KCNH7: variants seen among roughly 807,000 people sequenced by gnomAD.
KCNH7 encodes the protein voltage-gated inwardly rectifying potassium channel KCNH7.
A neutral mutation model predicts 120.8 loss-of-function variants in KCNH7; 49 were observed. The observed-to-expected ratio is 0.41, with a 90% CI of 0.32 to 0.51. The LOEUF is 0.51. Among genes scored for constraint, KCNH7 ranks in the 20% least tolerant of loss-of-function variants. KCNH7 has a pLI of 0.38. For synonymous variants in KCNH7, 547 were observed against 516.1 expected, an observed-to-expected ratio of 1.06 and a Z score of -0.81; for missense variants, 1,097 against 1,446.6, an observed-to-expected ratio of 0.76 and a Z score of 3.92.
intron 2 of KCNH7, among the ~76,000 whole-genome samples, chr2:162,781,682 T>C (rs1683497755): frequency 6.6e-6 from 1 of 152,150 alleles, no homozygotes; most frequent in African/African-American, 2.4e-5. Context: ...TGTCTACATA[T>C]TGACATGTAA....
At chr2:162,470,806 G>T (rs1397132884) in intron 6 of KCNH7, among the ~76,000 whole-genome samples, 4 of 152,338 alleles carry the variant, frequency 2.6e-5, no homozygotes, top group South Asian at 4.1e-4. Flanking sequence ...AATAGAGGAG[G>T]GGGAAAGGTG....
At chr2:162,610,330 T>A (rs1452257813) in intron 2 of KCNH7, among the ~76,000 whole-genome samples, 7 of 152,156 alleles carry the variant, frequency 4.6e-5, no homozygotes, top group Non-Finnish European at 1.0e-4. Context: ...AATGAGGATT[T>A]TTTTTTCTTC....
At chr2:162,838,144 C>T (rs990010784) in intron 1 of KCNH7, among the ~76,000 whole-genome samples, 2 of 152,260 alleles carry the variant, frequency 1.3e-5, no homozygotes, top group East Asian at 3.9e-4. Context: ...CCATGTTATC[C>T]TAGCACGTTC....
chr2:162,582,479 G>T (rs1693904733), intron 2 of KCNH7, among the ~76,000 whole-genome samples: 1 of 152,068 alleles, frequency 6.6e-6, no homozygotes, highest in African/African-American at 2.4e-5. Context: ...ACTCGGTTGA[G>T]ACTTTCTGCC....
At chr2:162,505,301 T>G (rs1415343921) in intron 5 of KCNH7, among the ~76,000 whole-genome samples, 1 of 151,958 alleles carries the variant, frequency 6.6e-6, no homozygotes, top group East Asian at 1.9e-4. Flanking sequence ...ATATGTGGGA[T>G]TTTTAGATCC....
intron 6 of KCNH7, among the ~76,000 whole-genome samples, chr2:162,501,586 T>C (rs971894699): frequency 2.4e-4 from 37 of 152,188 alleles, no homozygotes; most frequent in Middle Eastern, 3.4e-3. Context: ...TCCACAGTTA[T>C]GGCGGCTGTG....
intron 8 of KCNH7, 28 bp from the exon 9 acceptor site, chr2:162,423,563 G>A (rs371047242): frequency 1.5e-4 from 243 of 1,597,414 alleles, no homozygotes; most frequent in African/African-American, 1.3e-3. Context: ...CAAAGTTATC[G>A]GGGAAACTGC....
intron 2 of KCNH7, among the ~76,000 whole-genome samples, chr2:162,700,764 C>A (rs1449719298): frequency 6.6e-6 from 1 of 152,100 alleles, no homozygotes; most frequent in African/African-American, 2.4e-5. Flanking sequence ...GAATCTGTTT[C>A]TTTTTTGAGT....
rs777764182 is a variant in KCNH7, at chr2:162,423,474, T to A, written c.2016A>T (p.Gly672=). The change falls in exon 9 of 16, where the codon GGA becomes GGT. Residue 672 remains glycine, a synonymous_variant. Coordinates refer to ENST00000332142, the MANE Select transcript of KCNH7 (RefSeq NM_033272.4). ...GCATCTGCATGTGGTACCTGGCAGT[T>A]CCCGAGTATAGTCTTTGGATAATTG... ...VSAIIQRLYS[G]TARYHMQMLR... is the part of the protein sequence containing the mutation. 6.2e-7 allele frequency: 1 copy of A among 1,614,084 alleles called. No individual in the cohort carries two copies. The highest frequency in any genetic ancestry group is 8.5e-7 in the Non-Finnish European group (1 of 1,179,936).
intron 2 of KCNH7, among the ~76,000 whole-genome samples, chr2:162,691,345 T>A (rs1325882842): frequency 6.6e-6 from 1 of 152,148 alleles, no homozygotes; most frequent in Non-Finnish European, 1.5e-5. Flanking sequence ...TTGCTCTAGG[T>A]CAATAGCTAA....
At chr2:162,733,121 C>T (rs909098085) in intron 2 of KCNH7, among the ~76,000 whole-genome samples, 4 of 152,086 alleles carry the variant, frequency 2.6e-5, no homozygotes, top group Non-Finnish European at 4.4e-5. Flanking sequence ...GGGCTTGGCT[C>T]TCAGAGCTAT....
At chr2:162,474,442 T>C (rs368518849) in intron 6 of KCNH7, among the ~76,000 whole-genome samples, 2 of 152,224 alleles carry the variant, frequency 1.3e-5, no homozygotes, top group African/African-American at 4.8e-5. Flanking sequence ...GTTCTGAAAC[T>C]AATTAGAGGT....
chr2:162,721,783 ATAAT>A (rs1392322046), intron 2 of KCNH7, among the ~76,000 whole-genome samples: 2 of 152,132 alleles, frequency 1.3e-5, no homozygotes, highest in African/African-American at 4.8e-5. Context: ...ATTATAAAAA[ATAAT>A]TAAGAATTTC....
intron 9 of KCNH7, among the ~76,000 whole-genome samples, chr2:162,415,634 A>G (rs186263107): frequency 6.9e-4 from 105 of 152,262 alleles, no homozygotes; most frequent in South Asian, 1.0e-3. Context: ...CTCTTTAAGA[A>G]TTGCCAATAT....
chr2:162,656,777 G>C (rs1402374899), intron 2 of KCNH7, among the ~76,000 whole-genome samples: 2 of 152,148 alleles, frequency 1.3e-5, no homozygotes, highest in Non-Finnish European at 1.5e-5. Context: ...CATCAAAGGA[G>C]AGTAGAAAAA....
intron 2 of KCNH7, among the ~76,000 whole-genome samples, chr2:162,727,756 G>A (rs1418339763): frequency 1.3e-5 from 2 of 152,018 alleles, no homozygotes; most frequent in African/African-American, 2.4e-5. Flanking sequence ...TGTTTCCAAG[G>A]TTTTGGCTAT....
At chr2:162,762,718 C>T (rs1436200368) in intron 2 of KCNH7, among the ~76,000 whole-genome samples, 2 of 151,990 alleles carry the variant, frequency 1.3e-5, no homozygotes. Flanking sequence ...TCAGTATATG[C>T]CTCATATTCA....
intron 2 of KCNH7, chr2:162,538,211 A>C (rs1692176841): frequency 6.6e-6 from 1 of 152,052 alleles, no homozygotes; most frequent in South Asian, 2.1e-4. Context: ...TAAAACATTG[A>C]GCATATTTTA....
At chr2:162,702,747 A>T (rs1686558276) in intron 2 of KCNH7, among the ~76,000 whole-genome samples, 1 of 152,046 alleles carries the variant, frequency 6.6e-6, no homozygotes, top group South Asian at 2.1e-4. Context: ...GTTCTTGGGG[A>T]TCCTTCTCCT....
Sources: allele counts gnomAD v4.1 joint callset (sites outside exome capture counted in the v4.1 genomes callset), GRCh38; gene constraint gnomAD v4.1.1; transcripts MANE v1.5; gene names NCBI Gene and HGNC (gene_info 2026-07-23, HGNC 2026-07-21).